Variants in SOX6 observed in about 807,000 individuals in gnomAD.
SOX6 encodes the protein SRY-box transcription factor 6.
A neutral mutation model predicts 97.8 loss-of-function variants in SOX6; 11 were observed. That is an observed-to-expected ratio of 0.11 (90% confidence interval 0.07 to 0.19). SOX6 has a LOEUF of 0.19. SOX6 is among the 10% of genes least tolerant of loss of function. SOX6 has a pLI of 1.00. For missense variants in SOX6, 810 were observed against 1,039.5 expected (o/e 0.78, Z 3.04); for synonymous variants, 360 against 371.4 (o/e 0.97, Z 0.35).
chr11:16,615,850 CAAT>C (rs1180524084), intron 3 of SOX6, among the ~76,000 whole-genome samples: 2 of 151,980 alleles, frequency 1.3e-5, no homozygotes, highest in African/African-American at 4.8e-5. Flanking sequence ...GTTTCTCTTA[CAAT>C]GATACACAGA....
chr11:16,520,710 G>C (rs1234684284), intron 4 of SOX6, among the ~76,000 whole-genome samples: 1 of 152,230 alleles, frequency 6.6e-6, no homozygotes, highest in African/African-American at 2.4e-5. Flanking sequence ...GGGTCAGGGA[G>C]TTCCCTTTCC....
intron 6 of SOX6, among the ~76,000 whole-genome samples, chr11:16,168,177 T>C (rs998725996): frequency 6.6e-6 from 1 of 152,106 alleles, no homozygotes; most frequent in African/African-American, 2.4e-5. Context: ...TGGCATGACA[T>C]AACATGAATC....
chr11:16,218,655 A>G, intron 4 of SOX6, among the ~76,000 whole-genome samples: 1 of 152,244 alleles, frequency 6.6e-6, no homozygotes, highest in African/African-American at 2.4e-5. Context: ...ATATGAAAAA[A>G]CATATTTTAA....
At chr11:16,128,886 G>C (rs1163491354) in intron 6 of SOX6, among the ~76,000 whole-genome samples, 1 of 152,006 alleles carries the variant, frequency 6.6e-6, no homozygotes, top group Admixed American at 6.6e-5. Context: ...TTTAGACAGA[G>C]TTTCGCTCTT....
intron 3 of SOX6, among the ~76,000 whole-genome samples, chr11:16,280,935 A>G (rs1172210198): frequency 6.6e-6 from 1 of 152,118 alleles, no homozygotes; most frequent in Non-Finnish European, 1.5e-5. Flanking sequence ...TAGAAACCAA[A>G]TCCATTTTAG....
intron 4 of SOX6, among the ~76,000 whole-genome samples, chr11:16,567,884 T>A (rs1285277852): frequency 6.6e-6 from 1 of 151,796 alleles, no homozygotes; most frequent in Non-Finnish European, 1.5e-5. Flanking sequence ...CATATTTTTT[T>A]TTTTTTTACT....
intron 1 of SOX6, among the ~76,000 whole-genome samples, chr11:16,469,159 A>G (rs1055149360): frequency 6.6e-6 from 1 of 152,086 alleles, no homozygotes; most frequent in African/African-American, 2.4e-5. Context: ...CCCAGGTCTC[A>G]GTGGTTTAAT....
chr11:16,328,393 A>C (rs1856169173), intron 2 of SOX6, among the ~76,000 whole-genome samples: 1 of 152,186 alleles, frequency 6.6e-6, no homozygotes, highest in South Asian at 2.1e-4. Flanking sequence ...TAGCAAAAAC[A>C]ACCAAAAGTC....
intron 4 of SOX6, among the ~76,000 whole-genome samples, chr11:16,573,574 C>T (rs775440181): frequency 2.0e-5 from 3 of 152,120 alleles, no homozygotes; most frequent in East Asian, 1.9e-4. Context: ...TGTTACCAAA[C>T]TATCTGCTTA....
At position 16,408,116 on chromosome 11, in the gene SOX6, G is replaced by A. The variant is rs528448241; in HGVS notation, c.-4-66864C>T. 2.6e-5 allele frequency among the ~76,000 whole-genome samples: 4 copies of A among 152,234 alleles called. No individual in the cohort carries two copies. In the South Asian group the frequency reaches 8.3e-4, roughly 32 times the overall value. On this transcript the variant is annotated intron_variant, in intron 1 of 15. Transcript: ENST00000396356. ...AGCAAGTATCAATTATTACAGCAGT[G>A]ATTCAAGGTCATGGAAAAGAGCAAA...
chr11:16,214,318 A>T (rs1002824121), intron 4 of SOX6, among the ~76,000 whole-genome samples: 3 of 152,192 alleles, frequency 2.0e-5, no homozygotes, highest in African/African-American at 7.2e-5. Context: ...ATCAAAGGTC[A>T]CAACACTCTC....
chr11:16,273,475 G>A (rs1283192735), intron 3 of SOX6, among the ~76,000 whole-genome samples: 3 of 151,966 alleles, frequency 2.0e-5, no homozygotes, highest in African/African-American at 7.2e-5. Flanking sequence ...GATAGACCCT[G>A]ATCCCCATTC....
In SOX6 at chr11:16,031,245, G is replaced by C. The variant is rs1449532052; in HGVS notation, c.1623+15269C>G. ...ATTTGTCAAACTTTACTCAGTTTTA[G>C]GTACATGAAATCAGGAAGCTCAGCA... On this transcript the variant is annotated intron_variant, in intron 12 of 15. Coordinates refer to ENST00000683767, the MANE Select transcript of SOX6 (RefSeq NM_001367873.1). 8.5e-5 allele frequency among the ~76,000 whole-genome samples: 13 copies of C among 152,190 alleles called. No homozygotes were observed. In the East Asian group the frequency reaches 2.5e-3, roughly 29 times the overall value.
chr11:16,323,139 T>G (rs1490663674), intron 2 of SOX6, among the ~76,000 whole-genome samples: 1 of 151,702 alleles, frequency 6.6e-6, no homozygotes, highest in Non-Finnish European at 1.5e-5. Flanking sequence ...TAGTCCCAAA[T>G]AAAGGAAAAA....
intron 4 of SOX6, among the ~76,000 whole-genome samples, chr11:16,225,930 TC>T (rs1852675657): frequency 6.6e-6 from 1 of 152,192 alleles, no homozygotes; most frequent in Non-Finnish European, 1.5e-5. Context: ...TGTATGCAGT[TC>T]CTAATTTTAC....
intron 4 of SOX6, among the ~76,000 whole-genome samples, chr11:16,527,947 A>C (rs1861191921): frequency 6.6e-6 from 1 of 152,168 alleles, no homozygotes; most frequent in Non-Finnish European, 1.5e-5. Context: ...AACAACCTCA[A>C]AATCTTAGTG....
intron 12 of SOX6, among the ~76,000 whole-genome samples, chr11:16,045,090 C>A (rs773065595): frequency 5.9e-5 from 9 of 152,044 alleles, no homozygotes; most frequent in Non-Finnish European, 1.2e-4. Context: ...TTTTCCCTCC[C>A]AAATGAATTT....
At chr11:16,155,444 A>C (rs868042211) in intron 6 of SOX6, among the ~76,000 whole-genome samples, 1 of 152,182 alleles carries the variant, frequency 6.6e-6, no homozygotes, top group Non-Finnish European at 1.5e-5. Flanking sequence ...AATAGTGTCT[A>C]ACATACAGTA....
intron 7 of SOX6, among the ~76,000 whole-genome samples, chr11:16,099,707 CT>C (rs34413272): frequency 0.01 from 1,346 of 134,474 alleles, 5 homozygotes; most frequent in Middle Eastern, 0.019. Context: ...TATGAAATAG[CT>C]TTTTTTTTTT....
Sources: allele counts gnomAD v4.1 joint callset (sites outside exome capture counted in the v4.1 genomes callset), GRCh38; gene constraint gnomAD v4.1.1; transcripts MANE v1.5; gene names NCBI Gene and HGNC (gene_info 2026-07-23, HGNC 2026-07-21).